The following TSC22D2 variants were observed in gnomAD, a reference collection of about 807,000 sequenced individuals.
The protein encoded by TSC22D2 is TSC22 domain family member 2.
In TSC22D2, 5 loss-of-function variants were observed where a neutral mutation model predicts 50.1. The observed-to-expected ratio is 0.10, with a 90% confidence interval of 0.05 to 0.21. The LOEUF is 0.21. Among genes scored for constraint, TSC22D2 ranks in the 10% least tolerant of loss-of-function variants. The pLI is 1.00. For synonymous variants in TSC22D2, 501 were observed against 450.1 expected (o/e 1.11, Z -1.43); for missense variants, 1,003 against 1,015.5 (o/e 0.99, Z 0.17).
At chr3:150,452,456 AAGAG>A (rs540239048) in intron 1 of TSC22D2, among the ~76,000 whole-genome samples, 121 of 152,156 alleles carry the variant, frequency 8.0e-4, no homozygotes, top group Non-Finnish European at 1.1e-3. Flanking sequence ...AAAAAAAAAA[AAGAG>A]AGAGAGATTA....
At chr3:150,437,171 TTAAC>T (rs1720573091) in intron 1 of TSC22D2, among the ~76,000 whole-genome samples, 1 of 152,174 alleles carries the variant, frequency 6.6e-6, no homozygotes, top group African/African-American at 2.4e-5. Context: ...TATTCAGTGA[TTAAC>T]ATAGATGCCC....
intron 1 of TSC22D2, among the ~76,000 whole-genome samples, chr3:150,421,582 A>G (rs1207279274): frequency 6.6e-6 from 1 of 152,188 alleles, no homozygotes; most frequent in Non-Finnish European, 1.5e-5. Context: ...GATTAAAAGA[A>G]TAGAAAGGAG....
At chr3:150,431,102 A>AT (rs1484449535) in intron 1 of TSC22D2, among the ~76,000 whole-genome samples, 1 of 151,356 alleles carries the variant, frequency 6.6e-6, no homozygotes, top group African/African-American at 2.4e-5. Flanking sequence ...GCAGGCACCT[A>AT]TAGTCCCAGC....
chr3:150,430,164 G>C (rs1720333662), intron 1 of TSC22D2, among the ~76,000 whole-genome samples: 1 of 152,076 alleles, frequency 6.6e-6, no homozygotes, highest in South Asian at 2.1e-4. Flanking sequence ...TTCTTCAGGA[G>C]GTGGCTTTTG....
intron 1 of TSC22D2, among the ~76,000 whole-genome samples, chr3:150,422,724 T>C (rs759586664): frequency 6.6e-6 from 1 of 152,242 alleles, no homozygotes; most frequent in Non-Finnish European, 1.5e-5. Flanking sequence ...GCATTTGATA[T>C]AGAAGAGTGT....
In TSC22D2 at chr3:150,458,611, A is replaced by G. The variant is rs778580782; in HGVS notation, c.2246A>G (p.Gln749Arg). 7.4e-6 allele frequency: 12 copies of G among 1,614,032 alleles called. No homozygotes were observed. The highest frequency in any genetic ancestry group is 6.6e-5 in the South Asian group (6 of 91,084). The stretch of plus-strand genomic sequence containing the variant: ...CCTCCGCAGCCAACGCAACCTCCAC[A>G]GCAGCCGAATGTCTCCTCAGCATAA... Reference protein sequence around the residue: ...AQPPQPTQPPQQPNVSSA With the variant: ...AQPPQPTQPPRQPNVSSA The change falls in exon 3 of 3, where the codon CAG becomes CGG. Residue 749 changes from glutamine (Q) to arginine (R), a missense_variant. Gln to Arg is a conservative substitution (Grantham distance 43). Transcript: ENST00000688009.
intron 1 of TSC22D2, among the ~76,000 whole-genome samples, chr3:150,416,931 C>G (rs553462090): frequency 3.9e-5 from 6 of 151,984 alleles, no homozygotes; most frequent in Non-Finnish European, 7.4e-5. Context: ...TAGTTTGATT[C>G]CTTTGTACCC....
intron 1 of TSC22D2, among the ~76,000 whole-genome samples, chr3:150,434,449 T>C (rs1290995567): frequency 6.6e-6 from 1 of 152,178 alleles, no homozygotes; most frequent in African/African-American, 2.4e-5. Context: ...AACCCAAATA[T>C]TCAGCTTTCT....
intron 1 of TSC22D2, among the ~76,000 whole-genome samples, chr3:150,411,548 CAAAA>C (rs1192635505): frequency 1.3e-5 from 2 of 151,974 alleles, no homozygotes; most frequent in African/African-American, 2.4e-5. Flanking sequence ...ATTGTTTACT[CAAAA>C]AAAGGTGAAT....
In TSC22D2 at chr3:150,411,045, A is replaced by C; in HGVS notation, c.1695A>C (p.Thr565=). The part of the protein sequence containing the change: ...QHVGLPLAPG[T]HSAPTSLPQS... ...TTGGGCTGCCCTTAGCGCCAGGCAC[A>C]CACAGCGCACCAACAAGTCTACCAC... is the stretch of plus-strand genomic sequence containing the variant. The change falls in exon 1 of 3, where the codon ACA becomes ACC. Residue 565 remains threonine (T), a synonymous_variant. Transcript: ENST00000688009. 6.2e-7 allele frequency: 1 copy of C among 1,614,234 alleles called. No individual in the cohort carries two copies. Among genetic ancestry groups the C allele is most frequent in the Non-Finnish European group, 8.5e-7 (1 of 1,180,048 alleles).
At position 150,433,837 on chromosome 3, in the gene TSC22D2, G is replaced by T. The variant is rs552843343; in HGVS notation, c.1958+22529G>T. 8.5e-5 allele frequency among the ~76,000 whole-genome samples: 13 copies of T among 152,272 alleles called. No individual in the cohort carries two copies. The East Asian group carries it at 2.3e-3, about 27-fold the overall frequency. The stretch of plus-strand genomic sequence containing the variant: ...TGCCTGTAATCCCAGCACTTTGGAA[G>T]GCCAAGGTGGACAGATTGCTTGAGC... On this transcript the variant is annotated intron_variant, in intron 1 of 2. Coordinates refer to ENST00000688009, the MANE Select transcript of TSC22D2 (RefSeq NM_001303264.2).
intron 1 of TSC22D2, among the ~76,000 whole-genome samples, chr3:150,421,013 G>C (rs895308381): frequency 6.6e-6 from 1 of 152,200 alleles, no homozygotes; most frequent in African/African-American, 2.4e-5. Context: ...AACCCAGGAG[G>C]CAGAGGTTGC....
intron 1 of TSC22D2, among the ~76,000 whole-genome samples, chr3:150,437,483 T>TA (rs1397824495): frequency 6.6e-6 from 1 of 152,086 alleles, no homozygotes; most frequent in East Asian, 1.9e-4. Context: ...TATGGATTGT[T>TA]ACTGATCCAG....
intron 1 of TSC22D2, among the ~76,000 whole-genome samples, chr3:150,452,445 C>CA (rs111675293): frequency 0.042 from 5,861 of 140,596 alleles, 345 homozygotes; most frequent in African/African-American, 0.14. Context: ...AACTCTGTCT[C>CA]AAAAAAAAAA....
intron 1 of TSC22D2, chr3:150,423,012 C>T (rs764253270): frequency 6.5e-7 from 1 of 1,537,678 alleles, no homozygotes; most frequent in Non-Finnish European, 9.0e-7. Context: ...ACTGTACGTT[C>T]TCAACCTCAT....
rs1457337027 is a variant in TSC22D2, at chr3:150,408,692, G to A, written c.-659G>A. Reference sequence around the variant, plus strand: ...GACATGTCCCTGGGGCTGAGCTCCGGCTAGAGCCGGGGAGGGAGGGCCGCC... The same window carrying A: ...GACATGTCCCTGGGGCTGAGCTCCGACTAGAGCCGGGGAGGGAGGGCCGCC... On this transcript the variant is annotated 5_prime_UTR_variant, in exon 1 of 3. Coordinates refer to ENST00000688009, the MANE Select transcript of TSC22D2 (RefSeq NM_001303264.2). The A allele has an allele frequency of 6.5e-6, 1 of 152,866 alleles. No individual in the cohort carries two copies. Among genetic ancestry groups the A allele is most frequent in the African/African-American group, 2.4e-5 (1 of 41,464 alleles). The allele number at this position is 152,866 out of a possible 1,614,324, so 9.5% of individuals were successfully genotyped here.
At position 150,410,771 on chromosome 3, in the gene TSC22D2, G is replaced by A. The variant is rs901648602; in HGVS notation, c.1421G>A (p.Gly474Glu). ...GTGCAGCCGTGCCTCGGTCCTGCCG[G>A]GGCTGGGCAGCCCCAGTCCGTGCCT... The part of the protein sequence containing the change: ...GVVQPCLGPA[G>E]AGQPQSVPPP... The change falls in exon 1 of 3, where the codon GGG becomes GAG. Residue 474 changes from glycine to glutamate, a missense_variant. Coordinates refer to ENST00000688009, the MANE Select transcript of TSC22D2 (RefSeq NM_001303264.2). The A allele has an allele frequency of 6.8e-6, 11 of 1,611,016 alleles. No individual in the cohort carries two copies. Among genetic ancestry groups the A allele is most frequent in the Non-Finnish European group, 1.7e-6 (2 of 1,179,072 alleles).
At chr3:150,415,820 AG>A (rs1407410563) in intron 1 of TSC22D2, among the ~76,000 whole-genome samples, 1 of 152,204 alleles carries the variant, frequency 6.6e-6, no homozygotes. Context: ...GTCTGTAAAA[AG>A]AAAAAAAATA....
At chr3:150,437,134 T>G (rs1259198558) in intron 1 of TSC22D2, among the ~76,000 whole-genome samples, 2 of 152,156 alleles carry the variant, frequency 1.3e-5, no homozygotes, top group Non-Finnish European at 2.9e-5. Flanking sequence ...TACATTCTTA[T>G]CAGACAGAAA....
Sources: gnomAD v4.1 joint callset for allele counts (sites outside exome capture counted in the v4.1 genomes callset) on GRCh38, gnomAD v4.1.1 for gene constraint, MANE v1.5 for transcripts, NCBI Gene and HGNC (gene_info 2026-07-23, HGNC 2026-07-21) for gene names.